The following OPCML variants were observed in gnomAD, a reference collection of about 807,000 sequenced individuals.
OPCML encodes opioid-binding protein/cell adhesion molecule.
A neutral mutation model predicts 37.8 loss-of-function variants in OPCML; 13 were observed. The ratio of observed to expected loss-of-function variants is 0.34; its 90% confidence interval spans 0.22 to 0.55. OPCML has a LOEUF of 0.55. OPCML is among the 20% of genes least tolerant of loss of function. The pLI is 0.91. For missense variants in OPCML, 341 were observed against 435.6 expected (o/e 0.78, Z 1.93); for synonymous variants, 176 against 168.8 (o/e 1.04, Z -0.33).
chr11:132,898,839 C>T (rs1341198600), intron 2 of OPCML, among the ~76,000 whole-genome samples: 1 of 116,414 alleles, frequency 8.6e-6, no homozygotes, highest in African/African-American at 5.7e-5. Context: ...GTTTAGACTG[C>T]CCCCCCCACC....
chr11:132,674,661 T>C (rs1942623345), intron 2 of OPCML, among the ~76,000 whole-genome samples: 1 of 152,196 alleles, frequency 6.6e-6, no homozygotes, highest in African/African-American at 2.4e-5. Context: ...ATTAAATTCT[T>C]AAGATCATAA....
intron 1 of OPCML, among the ~76,000 whole-genome samples, chr11:133,153,918 A>G (rs1038710773): frequency 1.3e-5 from 2 of 152,154 alleles, no homozygotes; most frequent in Non-Finnish European, 2.9e-5. Context: ...ACAGTGAGAC[A>G]CGTTGTCACA....
At chr11:133,306,132 G>A (rs983539032) in intron 1 of OPCML, among the ~76,000 whole-genome samples, 5 of 152,080 alleles carry the variant, frequency 3.3e-5, no homozygotes, top group African/African-American at 1.2e-4. Context: ...AGCCCTAACT[G>A]GCATACATCA....
At chr11:132,743,334 G>A (rs1945502005) in intron 2 of OPCML, among the ~76,000 whole-genome samples, 1 of 152,030 alleles carries the variant, frequency 6.6e-6, no homozygotes, top group East Asian at 1.9e-4. Flanking sequence ...ATTAGCACTG[G>A]GATATGTTGG....
chr11:132,488,230 A>G (rs1197004779), intron 4 of OPCML, among the ~76,000 whole-genome samples: 2 of 152,226 alleles, frequency 1.3e-5, no homozygotes, highest in African/African-American at 4.8e-5. Context: ...CTCCTGCCCT[A>G]TAGACAAAGT....
intron 1 of OPCML, among the ~76,000 whole-genome samples, chr11:133,494,645 C>T (rs1175416838): frequency 6.8e-6 from 1 of 146,450 alleles, no homozygotes; most frequent in Non-Finnish European, 1.5e-5. Context: ...ACTGCATGTT[C>T]TCACTCATAG....
At chr11:132,595,209 G>A (rs958798656) in intron 3 of OPCML, among the ~76,000 whole-genome samples, 3 of 152,034 alleles carry the variant, frequency 2.0e-5, no homozygotes, top group Non-Finnish European at 4.4e-5. Flanking sequence ...GGGGGAGGTC[G>A]GGGAGGTAGG....
At chr11:132,748,511 T>C (rs553312298) in intron 2 of OPCML, among the ~76,000 whole-genome samples, 1 of 152,002 alleles carries the variant, frequency 6.6e-6, no homozygotes, top group South Asian at 2.1e-4. Context: ...AAAAGTAACG[T>C]AGGAAAATAG....
At chr11:132,775,842 A>G (rs1397118633) in intron 2 of OPCML, among the ~76,000 whole-genome samples, 1 of 152,232 alleles carries the variant, frequency 6.6e-6, no homozygotes, top group African/African-American at 2.4e-5. Context: ...CCTGCCACCT[A>G]TGAACCACAG....
intron 4 of OPCML, 47 bp downstream of exon 4, chr11:132,529,014 A>T (rs1449441210): frequency 5.8e-6 from 7 of 1,213,680 alleles, no homozygotes; most frequent in Non-Finnish European, 8.4e-6. Flanking sequence ...AAGAGCCAAG[A>T]CTTTAACATA....
chr11:133,505,039 G>A (rs933547125), intron 1 of OPCML, among the ~76,000 whole-genome samples: 4 of 152,196 alleles, frequency 2.6e-5, no homozygotes, highest in African/African-American at 4.8e-5. Flanking sequence ...GCAGGCTTTC[G>A]GGCCATGCAG....
intron 1 of OPCML, among the ~76,000 whole-genome samples, chr11:133,517,760 T>A (rs1174109645): frequency 6.6e-6 from 1 of 152,162 alleles, no homozygotes; most frequent in African/African-American, 2.4e-5. Flanking sequence ...AACAAGGTGT[T>A]TCTGAAGAAG....
chr11:132,546,840 G>A (rs1397503625), intron 3 of OPCML, among the ~76,000 whole-genome samples: 1 of 152,202 alleles, frequency 6.6e-6, no homozygotes, highest in Non-Finnish European at 1.5e-5. Context: ...AAATATGACT[G>A]CTCTCATACA....
chr11:132,551,575 A>C (rs368292910), intron 3 of OPCML, among the ~76,000 whole-genome samples: 1 of 152,148 alleles, frequency 6.6e-6, no homozygotes, highest in Non-Finnish European at 1.5e-5. Context: ...AGTGCTTTAG[A>C]TATTTTGCAA....
chr11:133,203,945 C>A (rs1262901558), intron 1 of OPCML, among the ~76,000 whole-genome samples: 5 of 150,806 alleles, frequency 3.3e-5, no homozygotes, highest in Non-Finnish European at 7.4e-5. Flanking sequence ...GTGGTCCCAG[C>A]TACTCAGGAG....
At chr11:132,519,053 A>G (rs911361357) in intron 4 of OPCML, among the ~76,000 whole-genome samples, 1 of 152,156 alleles carries the variant, frequency 6.6e-6, no homozygotes, top group Non-Finnish European at 1.5e-5. Context: ...TGCAAGCCTA[A>G]TTTCCAGCTG....
chr11:132,569,156 G>A (rs77659019), intron 3 of OPCML, among the ~76,000 whole-genome samples: 8,214 of 152,230 alleles, frequency 0.054, 442 homozygotes, highest in African/African-American at 0.12. Flanking sequence ...AACCCCCAGT[G>A]CCTCAGAAAG....
chr11:133,452,472 T>C (rs1283256980), intron 1 of OPCML, among the ~76,000 whole-genome samples: 1 of 151,366 alleles, frequency 6.6e-6, no homozygotes, highest in Admixed American at 6.6e-5. Flanking sequence ...TTATATAGTA[T>C]GATAGCAGAT....
intron 2 of OPCML, among the ~76,000 whole-genome samples, chr11:132,744,401 C>T (rs1169487862): frequency 6.6e-6 from 1 of 152,170 alleles, no homozygotes; most frequent in South Asian, 2.1e-4. Flanking sequence ...CAGTGTCCAC[C>T]TCTCTTAAAC....
Sources: allele counts gnomAD v4.1 joint callset (sites outside exome capture counted in the v4.1 genomes callset), GRCh38; gene constraint gnomAD v4.1.1; transcripts MANE v1.5; gene names NCBI Gene and HGNC (gene_info 2026-07-23, HGNC 2026-07-21).